BTRC: variants seen among roughly 807,000 people sequenced by gnomAD.
The protein encoded by BTRC is beta-transducin repeat containing E3 ubiquitin protein ligase.
Under a neutral mutation model 85.5 loss-of-function variants are expected in BTRC, and 42 were observed. That is an observed-to-expected ratio of 0.49 (90% CI 0.38 to 0.64). BTRC has a LOEUF of 0.64. Among genes scored for constraint, BTRC ranks in the 30% least tolerant of loss-of-function variants. The pLI is 0.00. For missense variants in BTRC, 594 were observed against 743.5 expected, an observed-to-expected ratio of 0.80 and a Z score of 2.34; for synonymous variants, 255 against 263.3, an observed-to-expected ratio of 0.97 and a Z score of 0.30.
chr10:101,421,910 T>A (rs1382945534), intron 1 of BTRC, among the ~76,000 whole-genome samples: 2 of 152,066 alleles, frequency 1.3e-5, no homozygotes, highest in Non-Finnish European at 2.9e-5. Context: ...TTTGCTATTG[T>A]GAATAGTGCC....
intron 1 of BTRC, among the ~76,000 whole-genome samples, chr10:101,402,387 C>G (rs1208446412): frequency 6.6e-6 from 1 of 152,076 alleles, no homozygotes; most frequent in East Asian, 1.9e-4. Context: ...GTTCAAAATT[C>G]TAGTTTATCA....
chr10:101,389,243 GC>G (rs1483135371), intron 1 of BTRC, among the ~76,000 whole-genome samples: 1 of 141,816 alleles, frequency 7.1e-6, no homozygotes, highest in Admixed American at 7.7e-5. Context: ...TTTTTCTTAT[GC>G]CGATATGCAA....
At chr10:101,431,225 C>T (rs1352212189) in intron 2 of BTRC, among the ~76,000 whole-genome samples, 4 of 151,784 alleles carry the variant, frequency 2.6e-5, no homozygotes, top group South Asian at 2.1e-4. Flanking sequence ...TACAGTTACG[C>T]GCCACCACGC....
At chr10:101,446,077 G>A (rs923310307) in intron 2 of BTRC, among the ~76,000 whole-genome samples, 9 of 151,920 alleles carry the variant, frequency 5.9e-5, no homozygotes, top group Admixed American at 5.9e-4. Context: ...AAAAAATTCA[G>A]CATTTAAGTA....
intron 1 of BTRC, among the ~76,000 whole-genome samples, chr10:101,362,838 TAAC>T: frequency 6.6e-6 from 1 of 152,146 alleles, no homozygotes. Flanking sequence ...CAATAAAAAA[TAAC>T]AATATAACAA....
Position 101,549,051 on chromosome 10 carries a change from T to G in BTRC, c.1657-1648T>G, listed in dbSNP as rs546634953. On this transcript the variant is annotated intron_variant, in intron 13 of 14. Coordinates refer to ENST00000370187, the MANE Select transcript of BTRC (RefSeq NM_033637.4). ...CTGGGCGACAGAGCGAGACTCTGTC[T>G]CAAAAAAAAAAAAGCCAGACACAAA... is the stretch of plus-strand genomic sequence containing the variant. 1.4e-3 allele frequency among the ~76,000 whole-genome samples: 205 copies of G among 148,608 alleles called. 1 individual carries two copies. The highest frequency in any genetic ancestry group is 2.6e-3 in the Non-Finnish European group (172 of 67,144).
In BTRC at chr10:101,534,815, C is replaced by T; in HGVS notation, c.1252C>T (p.Leu418Phe). 2 of 1,614,188 alleles carry T rather than the reference C, an allele frequency of 1.2e-6. No homozygotes were observed. The highest frequency in any genetic ancestry group is 1.7e-6 in the Non-Finnish European group (2 of 1,180,034). ...TATGGCCTCCCCAACTGACATTACC[C>T]TCCGGAGGGTGCTGGTCGGACACCG... is the stretch of plus-strand genomic sequence containing the variant. ...WDMASPTDIT[L>F]RRVLVGHRAA... The change falls in exon 10 of 15, where the codon CTC becomes TTC. Residue 418 changes from leucine (L) to phenylalanine (F), a missense_variant. Leu to Phe is a conservative substitution (Grantham distance 22). Transcript: ENST00000370187.
intron 1 of BTRC, among the ~76,000 whole-genome samples, chr10:101,385,839 T>G (rs1261504620): frequency 6.6e-6 from 1 of 151,548 alleles, no homozygotes; most frequent in Admixed American, 6.6e-5. Flanking sequence ...GTTTTTTTTT[T>G]GATTCTTGCA....
chr10:101,447,693 T>G (rs1157682832), intron 2 of BTRC, among the ~76,000 whole-genome samples: 1 of 152,086 alleles, frequency 6.6e-6, no homozygotes, highest in Admixed American at 6.6e-5. Context: ...CTAATAGTAA[T>G]TATAGTAACA....
intron 1 of BTRC, among the ~76,000 whole-genome samples, chr10:101,387,554 C>G (rs558148410): frequency 2.1e-4 from 4 of 18,608 alleles, no homozygotes; most frequent in Non-Finnish European, 3.4e-4. Flanking sequence ...TTTGAGATAG[C>G]CTCACTCTGT....
Position 101,502,096 on chromosome 10 carries a change from T to A in BTRC, c.325-19543T>A, listed in dbSNP as rs972710519. Among the ~76,000 whole-genome samples the A allele has an allele frequency of 5.9e-5, 9 of 152,304 alleles. 2 individuals carry two copies. Among genetic ancestry groups the A allele is most frequent in the Admixed American group, 5.9e-4 (9 of 15,294 alleles). ...AGGGTAGTAGAGTTTTTCTGCCTAT[T>A]TCTGAGAGAAAGGAAAGTGGATGCT... On this transcript the variant is annotated intron_variant, in intron 4 of 14. Transcript: ENST00000370187.
At position 101,555,946 on chromosome 10, in the gene BTRC, C is replaced by T. The variant is rs1215129318; in HGVS notation, c.*2823C>T. On this transcript the variant is annotated 3_prime_UTR_variant, in exon 15 of 15. Coordinates refer to ENST00000370187, the MANE Select transcript of BTRC (RefSeq NM_033637.4). The stretch of plus-strand genomic sequence containing the variant: ...ACTTGGACAAGACCAGCATGCCTTG[C>T]TGCACGTGTGTGTATTTCACTGCTG... 6.6e-6 allele frequency: 1 copy of T among 152,200 alleles called. No individual in the cohort carries two copies. The highest frequency in any genetic ancestry group is 2.4e-5 in the African/African-American group (1 of 41,428). 9.4% of individuals were successfully genotyped at this position (152,200 alleles called of 1,614,324 possible). A position where few individuals can be genotyped will look rare whatever the true frequency, so the allele number is the denominator to read the frequency against.
At chr10:101,392,207 T>TGA (rs1160838921) in intron 1 of BTRC, among the ~76,000 whole-genome samples, 1 of 152,216 alleles carries the variant, frequency 6.6e-6, no homozygotes, top group African/African-American at 2.4e-5. Flanking sequence ...CTCAAACTCT[T>TGA]GACCTCGTGA....
intron 4 of BTRC, among the ~76,000 whole-genome samples, chr10:101,501,980 A>G (rs958744679): frequency 6.6e-6 from 1 of 152,222 alleles, no homozygotes; most frequent in Non-Finnish European, 1.5e-5. Flanking sequence ...GTCTTTTCTC[A>G]GAAAGACCAA....
Position 101,526,166 on chromosome 10 carries a change from C to T in BTRC, c.710C>T (p.Ser237Phe). The T allele has an allele frequency of 1.2e-6, 2 of 1,614,118 alleles. No individual in the cohort carries two copies. Among genetic ancestry groups the T allele is most frequent in the Non-Finnish European group, 1.7e-6 (2 of 1,179,980 alleles). The change falls in exon 6 of 15, where the codon TCT becomes TTT. Residue 237 changes from serine (S) to phenylalanine (F), a missense_variant. This residue lies in a region of BTRC where 373 missense variants were observed against 503.6 expected (regional missense o/e 0.74). Transcript: ENST00000370187. ...ATCGAGAGAATGGTCAGGACAGATT[C>T]TCTGTGGAGAGGCCTGGCAGAACGA... Reference protein sequence around the residue: ...KLIERMVRTDSLWRGLAERRG... With the variant: ...KLIERMVRTDFLWRGLAERRG...
intron 1 of BTRC, among the ~76,000 whole-genome samples, chr10:101,390,349 TTTTTC>T (rs1943203930): frequency 7.5e-6 from 1 of 132,650 alleles, no homozygotes; most frequent in Non-Finnish European, 1.8e-5. Flanking sequence ...TTTTTTTTTT[TTTTTC>T]CGAGACGGAG....
intron 13 of BTRC, among the ~76,000 whole-genome samples, chr10:101,549,604 C>T (rs1268815368): frequency 6.7e-6 from 1 of 149,830 alleles, no homozygotes; most frequent in African/African-American, 2.5e-5. Flanking sequence ...GTCCCAGCTA[C>T]TCGGGAGGCT....
chr10:101,485,554 A>AT (rs1945960859), intron 4 of BTRC, among the ~76,000 whole-genome samples: 2 of 152,216 alleles, frequency 1.3e-5, no homozygotes, highest in Admixed American at 1.3e-4. Flanking sequence ...AGGCAGTTTT[A>AT]TTTTACAAAT....
chr10:101,394,879 G>A (rs561267460), intron 1 of BTRC, among the ~76,000 whole-genome samples: 2 of 152,196 alleles, frequency 1.3e-5, no homozygotes, highest in Admixed American at 6.5e-5. Flanking sequence ...TGCTTATAGC[G>A]GACAGCCCTT....
Sources: gnomAD v4.1 joint callset for allele counts (sites outside exome capture counted in the v4.1 genomes callset) on GRCh38, gnomAD v4.1.1 for gene constraint, gnomAD v4.1.1 regional missense constraint, MANE v1.5 for transcripts, NCBI Gene and HGNC (gene_info 2026-07-23, HGNC 2026-07-21) for gene names.